The following DDX52 variants were observed in gnomAD, a reference collection of about 807,000 sequenced individuals.
DDX52 encodes the protein probable ATP-dependent RNA helicase DDX52.
In DDX52, 59 loss-of-function variants were observed where a neutral mutation model predicts 76.1. That is an observed-to-expected ratio of 0.78 (90% CI 0.63 to 0.96). DDX52 has a LOEUF of 0.96. Ranked by LOEUF, DDX52 falls within the 40% of genes least tolerant of loss-of-function variation. DDX52 has a pLI of 0.00. For synonymous variants in DDX52, 231 were observed against 244.1 expected (o/e 0.95, Z 0.50); for missense variants, 707 against 703.9 (o/e 1.00, Z -0.05).
chr17:37,632,059 G>A, intron 4 of DDX52, 54 bp downstream of exon 4: 3 of 1,608,038 alleles, frequency 1.9e-6, no homozygotes, highest in African/African-American at 1.3e-5. Context: ...GGAAGAGAAT[G>A]AGCAAACACA....
chr17:37,619,697 G>C, intron 13 of DDX52, 71 bp downstream of exon 13: 1 of 1,372,988 alleles, frequency 7.3e-7, no homozygotes. Flanking sequence ...GGGCAACAGA[G>C]CAAGAAAAAA....
chr17:37,640,198 A>G (rs1033862810), intron 2 of DDX52, among the ~76,000 whole-genome samples: 1 of 152,260 alleles, frequency 6.6e-6, no homozygotes, highest in Non-Finnish European at 1.5e-5. Context: ...GTAGAATGAC[A>G]CTGCAAAACT....
At chr17:37,641,053 A>AAAGG (rs2031170915) in intron 2 of DDX52, among the ~76,000 whole-genome samples, 2 of 152,098 alleles carry the variant, frequency 1.3e-5, no homozygotes, top group African/African-American at 2.4e-5. Context: ...AGAAGAAACA[A>AAAGG]TTCACAAAAG....
chr17:37,641,013 A>C lies in DDX52; in HGVS notation c.286+1097T>G, dbSNP rs537908645. ...GCAAACAAACAAACAACAAAAAAAC[A>C]AAAACCTCTGTCAAAATGGGCAAAG... On this transcript the variant is annotated intron_variant, in intron 2 of 14. Coordinates refer to ENST00000617633, the MANE Select transcript of DDX52 (RefSeq NM_007010.5). Among the ~76,000 whole-genome samples the C allele has an allele frequency of 2.6e-5, 4 of 152,194 alleles. No individual in the cohort carries two copies. The South Asian group carries it at 8.3e-4, about 32-fold the overall frequency.
At chr17:37,632,437 A>G (rs1459340985) in intron 3 of DDX52, 139 bp from the exon 4 acceptor site, 1 of 821,396 alleles carries the variant, frequency 1.2e-6, no homozygotes. Flanking sequence ...GAATCAAAAC[A>G]TCACAGATAT....
In DDX52 at chr17:37,642,562, T is replaced by C. The variant is rs139407168; in HGVS notation, c.88-254A>G. Among the ~76,000 whole-genome samples, 564 of 152,330 alleles carry C rather than the reference T, an allele frequency of 3.7e-3. 1 individual carries two copies. The highest frequency in any genetic ancestry group is 5.2e-3 in the Non-Finnish European group (353 of 68,024). ...TCTAAGCATGTTTATACATATTAAA[T>C]TGCTTCACATTTACAACTCTATAAG... is the stretch of plus-strand genomic sequence containing the variant. On this transcript the variant is annotated intron_variant, in intron 1 of 14. Coordinates refer to ENST00000617633, the MANE Select transcript of DDX52 (RefSeq NM_007010.5).
At chr17:37,637,280 C>T (rs928815602) in intron 2 of DDX52, among the ~76,000 whole-genome samples, 24 of 151,944 alleles carry the variant, frequency 1.6e-4, no homozygotes, top group African/African-American at 5.8e-4. Flanking sequence ...TACAGGCATG[C>T]GCCACCACGT....
rs2064281469 is a variant in DDX52, at chr17:37,610,048, T to C, written c.*4248A>G. The C allele has an allele frequency of 6.6e-6, 1 of 152,254 alleles. No homozygotes were observed. Among genetic ancestry groups the C allele is most frequent in the African/African-American group, 2.4e-5 (1 of 41,454 alleles). 9.4% of individuals were successfully genotyped at this position (152,254 alleles called of 1,614,324 possible). A position where few individuals can be genotyped will look rare whatever the true frequency, so the allele number is the denominator to read the frequency against. ...TACAGTCCTTTTGTTTTTCCTATTCTTGCAGGCAAGTGCAAAACAGTGGTT... is the reference window on the plus strand; with the variant it reads ...TACAGTCCTTTTGTTTTTCCTATTCCTGCAGGCAAGTGCAAAACAGTGGTT... On this transcript the variant is annotated 3_prime_UTR_variant, in exon 15 of 15. Transcript: ENST00000617633.
chr17:37,636,317 C>T lies in DDX52; in HGVS notation c.287-2899G>A, dbSNP rs1200048363. 4.6e-5 allele frequency among the ~76,000 whole-genome samples: 7 copies of T among 152,212 alleles called. No homozygotes were observed. The South Asian group carries it at 1.5e-3, about 32-fold the overall frequency. ...CACTTTTTTCCCCATGGATCCAGTC[C>T]GTTTGTCGAAAAGACTTTCTTTTCC... On this transcript the variant is annotated intron_variant, in intron 2 of 14. Coordinates refer to ENST00000617633, the MANE Select transcript of DDX52 (RefSeq NM_007010.5).
chr17:37,628,724 G>GTA, intron 5 of DDX52, 52 bp from the exon 6 acceptor site: 1 of 1,293,036 alleles, frequency 7.7e-7, no homozygotes, highest in African/African-American at 1.5e-5. Flanking sequence ...TGGACAAGAT[G>GTA]TATACTCTTT....
At chr17:37,642,382 T>C (rs763944795) in intron 1 of DDX52, 74 bp from the exon 2 acceptor site, 7 of 1,474,682 alleles carry the variant, frequency 4.7e-6, no homozygotes, top group Non-Finnish European at 6.4e-6. Context: ...GACTGTTCAA[T>C]GACTCCTCAT....
intron 13 of DDX52, among the ~76,000 whole-genome samples, chr17:37,619,253 C>T (rs1300568935): frequency 6.6e-6 from 1 of 152,018 alleles, no homozygotes; most frequent in Non-Finnish European, 1.5e-5. Flanking sequence ...GTGGCGCACA[C>T]CTGTAATTCC....
intron 9 of DDX52, among the ~76,000 whole-genome samples, chr17:37,622,455 G>T (rs550648382): frequency 6.6e-6 from 1 of 151,928 alleles, no homozygotes; most frequent in Non-Finnish European, 1.5e-5. Flanking sequence ...CACCACGCCT[G>T]GCTAACTTTT....
At chr17:37,625,147 A>G (rs2030300866) in intron 8 of DDX52, among the ~76,000 whole-genome samples, 1 of 152,052 alleles carries the variant, frequency 6.6e-6, no homozygotes, top group African/African-American at 2.4e-5. Context: ...CTGGGATTAC[A>G]GGCACACACC....
At position 37,630,170 on chromosome 17, in the gene DDX52, G is replaced by A. The variant is rs763625283; in HGVS notation, c.607C>T (p.Arg203Trp). 13 of 1,606,220 alleles carry A rather than the reference G, an allele frequency of 8.1e-6. No homozygotes were observed. Among genetic ancestry groups the A allele is most frequent in the Middle Eastern group, 3.3e-4 (2 of 6,014 alleles). ...GTTGGAGCAGAAGCCAGAAGTTCCC[G>A]ACCCTAAAAACATAGGGTATATTAA... is the stretch of plus-strand genomic sequence containing the variant. ...MQAIPVMLHGRELLASAPTGS... is the reference protein window; with the variant it reads ...MQAIPVMLHGWELLASAPTGS... The change falls in exon 5 of 15, where the codon CGG (arginine) becomes TGG (tryptophan). Residue 203 changes from arginine (R) to tryptophan (W), a missense_variant. Coordinates refer to ENST00000617633, the MANE Select transcript of DDX52 (RefSeq NM_007010.5).
intron 1 of DDX52, 152 bp downstream of exon 1, chr17:37,643,182 C>G: frequency 1.4e-6 from 1 of 697,686 alleles, no homozygotes; most frequent in Non-Finnish European, 2.4e-6. Flanking sequence ...GCCGTGCAGG[C>G]AAGCCGAACA....
chr17:37,620,281 G>A (rs1425257496), intron 12 of DDX52: 1 of 166,658 alleles, frequency 6.0e-6, no homozygotes, highest in Non-Finnish European at 1.3e-5. Flanking sequence ...GGAAAACTGA[G>A]GTGCATAGTT....
intron 2 of DDX52, chr17:37,635,585 A>G (rs1285632872): frequency 4.4e-6 from 2 of 455,898 alleles, no homozygotes; most frequent in Admixed American, 4.7e-5. Flanking sequence ...ATTGTAATGG[A>G]TGTACAGTTC....
chr17:37,636,314 G>A (rs1279805469), intron 2 of DDX52, among the ~76,000 whole-genome samples: 1 of 152,100 alleles, frequency 6.6e-6, no homozygotes, highest in Non-Finnish European at 1.5e-5. Flanking sequence ...CATGGATCCA[G>A]TCCGTTTGTC....
Sources: gnomAD v4.1 joint callset for allele counts (sites outside exome capture counted in the v4.1 genomes callset) on GRCh38, gnomAD v4.1.1 for gene constraint, MANE v1.5 for transcripts, NCBI Gene and HGNC (gene_info 2026-07-23, HGNC 2026-07-21) for gene names.